Variants in SMPD3 observed in about 807,000 individuals in gnomAD.
The protein encoded by SMPD3 is nSMase-2.
SMPD3 carries 21 observed loss-of-function variants against 55.7 expected under a neutral mutation model. That is an observed-to-expected ratio of 0.38 (90% CI 0.27 to 0.54). The LOEUF (loss-of-function observed/expected upper bound fraction) is 0.54. Among genes scored for constraint, SMPD3 ranks in the 20% least tolerant of loss-of-function variants. The pLI is 0.80. For missense variants in SMPD3, 842 were observed against 899.6 expected (o/e 0.94, Z 0.82); for synonymous variants, 457 against 404.3 (o/e 1.13, Z -1.56).
intron 1 of SMPD3, among the ~76,000 whole-genome samples, chr16:68,408,528 T>C (rs938298791): frequency 1.3e-5 from 2 of 152,242 alleles, no homozygotes; most frequent in African/African-American, 4.8e-5. Flanking sequence ...TGGGCAATGC[T>C]GACAGACATG....
rs549165237 is a variant in SMPD3 at position 68,424,950 on chromosome 16, G to A, written c.-269+23403C>T. ...TGGTCTTGAACTCCTGGTCTCAAGT[G>A]ATCTGCCCACCTTGGCCTCCCAAAA... On this transcript the variant is annotated intron_variant, in intron 1 of 8. Coordinates refer to ENST00000219334, the MANE Select transcript of SMPD3 (RefSeq NM_018667.4). 1.2e-3 allele frequency among the ~76,000 whole-genome samples: 178 copies of A among 152,330 alleles called. 1 individual carries two copies. Among genetic ancestry groups the A allele is most frequent in the Non-Finnish European group, 2.0e-3 (135 of 68,030 alleles).
chr16:68,430,040 G>C (rs950218611), intron 1 of SMPD3, among the ~76,000 whole-genome samples: 1 of 152,136 alleles, frequency 6.6e-6, no homozygotes, highest in Non-Finnish European at 1.5e-5. Flanking sequence ...CGCTGCACCT[G>C]TTACCCCCCA....
chr16:68,429,426 G>A (rs1000600098), intron 1 of SMPD3, among the ~76,000 whole-genome samples: 2 of 152,230 alleles, frequency 1.3e-5, no homozygotes, highest in African/African-American at 4.8e-5. Context: ...CCTTGGTGCT[G>A]GGCTGGATTT....
chr16:68,385,673 A>T (rs950035521), intron 2 of SMPD3, among the ~76,000 whole-genome samples: 1 of 152,158 alleles, frequency 6.6e-6, no homozygotes, highest in Non-Finnish European at 1.5e-5. Context: ...GGGCTCTTAC[A>T]GTAGTCTTGT....
chr16:68,432,125 A>G (rs2090485477), intron 1 of SMPD3, among the ~76,000 whole-genome samples: 2 of 152,186 alleles, frequency 1.3e-5, no homozygotes, highest in African/African-American at 4.8e-5. Context: ...CAAAAAAAAA[A>G]AAGAAAAGAA....
intron 1 of SMPD3, among the ~76,000 whole-genome samples, chr16:68,395,364 T>C (rs2090146352): frequency 6.6e-6 from 1 of 152,222 alleles, no homozygotes; most frequent in African/African-American, 2.4e-5. Context: ...GAACTAGTTT[T>C]TCGAGTGACA....
intron 2 of SMPD3, among the ~76,000 whole-genome samples, chr16:68,376,991 C>T (rs897263843): frequency 2.6e-5 from 4 of 152,044 alleles, no homozygotes; most frequent in African/African-American, 7.2e-5. Context: ...TAGGACCTCC[C>T]GACCACTCCT....
chr16:68,376,784 T>C (rs899991444), intron 2 of SMPD3, among the ~76,000 whole-genome samples: 9 of 152,082 alleles, frequency 5.9e-5, no homozygotes, highest in Non-Finnish European at 1.5e-5. Context: ...AGCCCCGACC[T>C]AGAAAAGGAG....
chr16:68,388,643 C>T (rs567388872), intron 1 of SMPD3, among the ~76,000 whole-genome samples: 1 of 152,256 alleles, frequency 6.6e-6, no homozygotes, highest in South Asian at 2.1e-4. Flanking sequence ...CCCCACTCTC[C>T]ACCCCACTCC....
At chr16:68,411,577 A>G (rs978463433) in intron 1 of SMPD3, among the ~76,000 whole-genome samples, 2 of 152,196 alleles carry the variant, frequency 1.3e-5, no homozygotes, top group African/African-American at 4.8e-5. Flanking sequence ...GGCTGCCCAC[A>G]GGACTTGAGA....
intron 1 of SMPD3, among the ~76,000 whole-genome samples, chr16:68,409,548 A>C (rs949813470): frequency 6.6e-6 from 1 of 152,186 alleles, no homozygotes; most frequent in Non-Finnish European, 1.5e-5. Context: ...ACTGCACACA[A>C]AATCCTGTCC....
intron 1 of SMPD3, among the ~76,000 whole-genome samples, chr16:68,405,542 T>C (rs2090246830): frequency 1.1e-5 from 1 of 90,198 alleles, no homozygotes; most frequent in African/African-American, 4.4e-5. Context: ...CAAGACCCTG[T>C]CTCAAAAAAA....
intron 1 of SMPD3, among the ~76,000 whole-genome samples, chr16:68,417,551 T>C (rs1269083959): frequency 1.3e-5 from 2 of 152,198 alleles, no homozygotes; most frequent in African/African-American, 4.8e-5. Context: ...TTAGGAAATA[T>C]TGTGCTTCTT....
At chr16:68,409,903 A>G (rs2090285347) in intron 1 of SMPD3, among the ~76,000 whole-genome samples, 1 of 152,122 alleles carries the variant, frequency 6.6e-6, no homozygotes. Flanking sequence ...ATGATTGGTT[A>G]TTATCCTGTC....
chr16:68,409,909 CT>C (rs1273125279), intron 1 of SMPD3, among the ~76,000 whole-genome samples: 7 of 152,196 alleles, frequency 4.6e-5, no homozygotes, highest in Non-Finnish European at 1.0e-4. Context: ...GGTTATTATC[CT>C]GTCCTGGGGA....
intron 2 of SMPD3, among the ~76,000 whole-genome samples, chr16:68,376,006 G>A (rs982096250): frequency 1.3e-5 from 2 of 152,220 alleles, no homozygotes; most frequent in Non-Finnish European, 2.9e-5. Context: ...CTGCATAGAA[G>A]CCGCTGGCGC....
intron 1 of SMPD3, among the ~76,000 whole-genome samples, chr16:68,419,816 G>A (rs973315775): frequency 1.3e-5 from 2 of 152,154 alleles, no homozygotes; most frequent in African/African-American, 4.8e-5. Flanking sequence ...CAGCATCAGA[G>A]AGTGGGGGAG....
At chr16:68,393,083 G>C (rs1170991891) in intron 1 of SMPD3, among the ~76,000 whole-genome samples, 1 of 152,106 alleles carries the variant, frequency 6.6e-6, no homozygotes, top group Non-Finnish European at 1.5e-5. Flanking sequence ...AAATGGATGG[G>C]GACCAAGGGG....
chr16:68,361,769 C>A lies in SMPD3; in HGVS notation c.1710-10G>T. ...CTCACTCTCCAGGACCCTGTCCACA[C>A]ATGCAGGAGGCAGGTGGGCCCCCAT... On this transcript the variant is annotated splice_polypyrimidine_tract_variant and intron_variant, in intron 7 of 8. Transcript: ENST00000219334. 6.2e-7 allele frequency: 1 copy of A among 1,611,162 alleles called. No homozygotes were observed. The highest frequency in any genetic ancestry group is 8.5e-7 in the Non-Finnish European group (1 of 1,179,660).
Sources: allele counts gnomAD v4.1 joint callset (sites outside exome capture counted in the v4.1 genomes callset), GRCh38; gene constraint gnomAD v4.1.1; transcripts MANE v1.5; gene names NCBI Gene and HGNC (gene_info 2026-07-23, HGNC 2026-07-21).